Variants in SNCAIP observed in about 807,000 individuals in gnomAD.
The protein encoded by SNCAIP is synuclein alpha interacting protein, also known as synphilin-1.
SNCAIP carries 43 observed loss-of-function variants against 86.7 expected under a neutral mutation model. That is an observed-to-expected ratio of 0.50 (90% CI 0.39 to 0.64). The LOEUF is 0.64. Among genes scored for constraint, SNCAIP ranks in the 30% least tolerant of loss-of-function variants. The pLI is 0.00. For synonymous variants in SNCAIP, 417 were observed against 427.2 expected (o/e 0.98, Z 0.29); for missense variants, 981 against 1,103.1 (o/e 0.89, Z 1.57).
chr5:122,332,549 C>T (rs1183553777), intron 1 of SNCAIP, among the ~76,000 whole-genome samples: 1 of 152,222 alleles, frequency 6.6e-6, no homozygotes, highest in Non-Finnish European at 1.5e-5. Context: ...ATTAAGAGTA[C>T]TGCCATGAAA....
At position 122,438,267 on chromosome 5, in the gene SNCAIP, G is replaced by A. The variant is rs550810926; in HGVS notation, c.1297-2362G>A. 3.3e-5 allele frequency among the ~76,000 whole-genome samples: 5 copies of A among 152,310 alleles called. No homozygotes were observed. In the East Asian group the frequency reaches 9.6e-4, roughly 29 times the overall value. On this transcript the variant is annotated intron_variant, in intron 6 of 10. Coordinates refer to ENST00000261368, the MANE Select transcript of SNCAIP (RefSeq NM_005460.4). Reference sequence around the variant, plus strand: ...GAGTTTGCTCATTCTCCACATCTCAGTGTGGGTTTTCTCTGGGTACTCCAG... The same window carrying A: ...GAGTTTGCTCATTCTCCACATCTCAATGTGGGTTTTCTCTGGGTACTCCAG...
At chr5:122,410,745 C>A (rs190652788) in intron 3 of SNCAIP, among the ~76,000 whole-genome samples, 1 of 152,164 alleles carries the variant, frequency 6.6e-6, no homozygotes, top group African/African-American at 2.4e-5. Context: ...ATTGCTTGAG[C>A]CTGGGAGGCG....
At chr5:122,373,852 G>T (rs1764740492) in intron 1 of SNCAIP, among the ~76,000 whole-genome samples, 1 of 152,216 alleles carries the variant, frequency 6.6e-6, no homozygotes, top group Middle Eastern at 3.4e-3. Context: ...CCACCCCTTG[G>T]GTGTAAATCC....
intron 1 of SNCAIP, among the ~76,000 whole-genome samples, chr5:122,316,877 T>C (rs1438867549): frequency 6.6e-6 from 1 of 152,206 alleles, no homozygotes; most frequent in Non-Finnish European, 1.5e-5. Flanking sequence ...CCTCTCCAGC[T>C]TCACACAATT....
At chr5:122,336,702 G>A (rs1325709965) in intron 1 of SNCAIP, 1 of 152,366 alleles carries the variant, frequency 6.6e-6, no homozygotes, top group Admixed American at 6.5e-5. Context: ...CTAGACTTCA[G>A]TGATCCTTCC....
rs1282891472 is a variant in SNCAIP, at chr5:122,378,889, A to G, written c.-46-12200A>G. Reference sequence around the variant, plus strand: ...ATTTCTGAGGGCTCTGTTCTGTTCCATTCATCTATATCTCTGTTTTGGTAC... The same window carrying G: ...ATTTCTGAGGGCTCTGTTCTGTTCCGTTCATCTATATCTCTGTTTTGGTAC... On this transcript the variant is annotated intron_variant, in intron 1 of 10. Transcript: ENST00000261368. Among the ~76,000 whole-genome samples, 4 of 145,630 alleles carry G rather than the reference A, an allele frequency of 2.7e-5. 1 individual carries two copies. The highest frequency in any genetic ancestry group is 1.0e-4 in the African/African-American group (4 of 38,852).
At chr5:122,443,005 G>A (rs1437336383) in intron 7 of SNCAIP, among the ~76,000 whole-genome samples, 1 of 152,134 alleles carries the variant, frequency 6.6e-6, no homozygotes, top group East Asian at 1.9e-4. Context: ...AACTGCAGAG[G>A]TCAGGGCCAA....
chr5:122,422,096 T>C lies in SNCAIP; in HGVS notation c.131-772T>C, dbSNP rs78073689. Among the ~76,000 whole-genome samples the C allele has an allele frequency of 1.8e-3, 268 of 151,814 alleles. 2 individuals carry two copies. Among genetic ancestry groups the C allele is most frequent in the Non-Finnish European group, 2.9e-3 (195 of 67,940 alleles). On this transcript the variant is annotated intron_variant, in intron 3 of 10. Coordinates refer to ENST00000261368, the MANE Select transcript of SNCAIP (RefSeq NM_005460.4). ...TGTTTGTTTCCAGCCTTCTCAACAA[T>C]GGAGGGCAGTATTGAATCCTAAAGA...
chr5:122,431,123 G>C (rs796609215), intron 5 of SNCAIP, among the ~76,000 whole-genome samples: 17 of 152,204 alleles, frequency 1.1e-4, no homozygotes, highest in African/African-American at 3.9e-4. Flanking sequence ...TGTTGGCTTA[G>C]TTTTGGAACA....
At chr5:122,440,802 T>C (rs768059172) in intron 7 of SNCAIP, 48 bp downstream of exon 7, 3 of 1,559,862 alleles carry the variant, frequency 1.9e-6, no homozygotes, top group South Asian at 1.1e-5. Context: ...ATATCAAATA[T>C]TAAACAAAAC....
rs982342498 is a variant in SNCAIP at position 122,342,386 on chromosome 5, T to G, written c.-47+30102T>G. On this transcript the variant is annotated intron_variant, in intron 1 of 10. Transcript: ENST00000261368. ...TCCACAGGAATTACCACTGCAGGCT[T>G]CCTGGGGCCTCCTGCAAGCAGAGAT... 8.6e-5 allele frequency among the ~76,000 whole-genome samples: 13 copies of G among 152,038 alleles called. No homozygotes were observed. The East Asian group carries it at 2.5e-3, about 30-fold the overall frequency.
At chr5:122,317,772 G>T (rs982859704) in intron 1 of SNCAIP, among the ~76,000 whole-genome samples, 1 of 152,086 alleles carries the variant, frequency 6.6e-6, no homozygotes, top group African/African-American at 2.4e-5. Flanking sequence ...TGTTTTCCCT[G>T]ACAGGCATAT....
intron 10 of SNCAIP, among the ~76,000 whole-genome samples, chr5:122,452,021 C>G (rs1783801243): frequency 6.6e-6 from 1 of 152,112 alleles, no homozygotes; most frequent in East Asian, 1.9e-4. Context: ...TATTCTCAGG[C>G]CCAATTAAAA....
rs1445139914 is a variant in SNCAIP, at chr5:122,423,364, T to C, written c.627T>C (p.Val209=). The C allele has an allele frequency of 6.2e-7, 1 of 1,613,574 alleles. No individual in the cohort carries two copies. Among genetic ancestry groups the C allele is most frequent in the African/African-American group, 1.3e-5 (1 of 74,846 alleles). Residue 209 remains valine (V), a synonymous_variant, in exon 4 of 11, where the codon GTT becomes GTC. Transcript: ENST00000261368. ...CATCCAACATGGCACCATTTTGTGT[T>C]CTTTCTCCCGTGAAAAGCCCTCACT... ...SSSSNMAPFC[V]LSPVKSPHLR...
At chr5:122,390,726 C>A (rs1769165047) in intron 1 of SNCAIP, among the ~76,000 whole-genome samples, 1 of 152,146 alleles carries the variant, frequency 6.6e-6, no homozygotes, top group South Asian at 2.1e-4. Context: ...CAGGCTGGCT[C>A]CCCATTTCCC....
At chr5:122,387,825 A>G (rs1372996696) in intron 1 of SNCAIP, among the ~76,000 whole-genome samples, 1 of 152,248 alleles carries the variant, frequency 6.6e-6, no homozygotes, top group Non-Finnish European at 1.5e-5. Flanking sequence ...ATTCTGTGAA[A>G]GCACAAATTG....
intron 1 of SNCAIP, among the ~76,000 whole-genome samples, chr5:122,367,936 A>T (rs2152783475): frequency 6.6e-6 from 1 of 152,260 alleles, no homozygotes; most frequent in South Asian, 2.1e-4. Flanking sequence ...ATAGGTCTAT[A>T]TATATTTTAT....
chr5:122,340,787 A>G lies in SNCAIP; in HGVS notation c.-47+28503A>G, dbSNP rs74331890. ...TTCAAAAGCACATAATCATATGTCA[A>G]TTCCTTGGAAATTTTAGAGTAAATT... On this transcript the variant is annotated intron_variant, in intron 1 of 10. Transcript: ENST00000261368. Among the ~76,000 whole-genome samples the G allele has an allele frequency of 5.0e-3, 765 of 152,344 alleles. 5 individuals carry two copies. The highest frequency in any genetic ancestry group is 0.017 in the African/African-American group (717 of 41,586).
chr5:122,377,434 TTTTAAATGTTCAACTC>T (rs1473490621), intron 1 of SNCAIP, among the ~76,000 whole-genome samples: 1 of 152,080 alleles, frequency 6.6e-6, no homozygotes, highest in Non-Finnish European at 1.5e-5. Context: ...CCAAAAAGAA[TTTTAAATGTTCAACTC>T]ATTTTAAATC....
Sources: allele counts gnomAD v4.1 joint callset (sites outside exome capture counted in the v4.1 genomes callset), GRCh38; gene constraint gnomAD v4.1.1; transcripts MANE v1.5; gene names NCBI Gene and HGNC (gene_info 2026-07-23, HGNC 2026-07-21).